ACOXL: variants seen among roughly 807,000 people sequenced by gnomAD.
The protein encoded by ACOXL is acyl-coenzyme A oxidase-like protein.
ACOXL carries 70 observed loss-of-function variants against 71.9 expected under a neutral mutation model. The ratio of observed to expected loss-of-function variants is 0.97; its 90% confidence interval spans 0.80 to 1.19. The LOEUF (loss-of-function observed/expected upper bound fraction) is 1.19. ACOXL is among the 50% of genes most tolerant of loss of function. The probability of loss-of-function intolerance (pLI) is 0.00; values close to 1 mark genes in which losing one functional copy is unlikely to be tolerated. For synonymous variants in ACOXL, 253 were observed against 281.6 expected (o/e 0.90, Z 1.02); for missense variants, 703 against 736.3 (o/e 0.95, Z 0.52).
intron 2 of ACOXL, among the ~76,000 whole-genome samples, chr2:110,772,272 A>G (rs1233706365): frequency 6.6e-6 from 1 of 152,160 alleles, no homozygotes; most frequent in Non-Finnish European, 1.5e-5. Flanking sequence ...TGTCTGCACA[A>G]TAGAAGCAGC....
At chr2:110,916,929 CA>C (rs2059883157) in intron 11 of ACOXL, among the ~76,000 whole-genome samples, 2 of 151,924 alleles carry the variant, frequency 1.3e-5, no homozygotes, top group South Asian at 2.1e-4. Flanking sequence ...GCCTAGCAAC[CA>C]AAAAAACCCA....
chr2:111,114,138 C>G (rs1376784071), intron 17 of ACOXL: 4 of 152,632 alleles, frequency 2.6e-5, no homozygotes, highest in Admixed American at 2.0e-4. Context: ...GCTAGTCTTA[C>G]CTGGGATCAC....
chr2:110,922,827 G>T (rs774401841), intron 11 of ACOXL, among the ~76,000 whole-genome samples: 8 of 152,162 alleles, frequency 5.3e-5, no homozygotes, highest in Non-Finnish European at 8.8e-5. Flanking sequence ...GAACCCCAGA[G>T]CCCTTACCAT....
intron 3 of ACOXL, among the ~76,000 whole-genome samples, 197 bp downstream of exon 3, chr2:110,785,012 C>T (rs1446459797): frequency 6.6e-6 from 1 of 152,156 alleles, no homozygotes; most frequent in Admixed American, 6.5e-5. Context: ...ATTTGCTTTT[C>T]TTCTTTGTAT....
chr2:110,801,343 C>G (rs1267458341), intron 7 of ACOXL, among the ~76,000 whole-genome samples: 2 of 152,214 alleles, frequency 1.3e-5, no homozygotes. Context: ...CTTTCTTAAT[C>G]ACAGTCACTG....
At position 111,065,112 on chromosome 2, in the gene ACOXL, A is replaced by G. The variant is rs539923404; in HGVS notation, c.1440+15824A>G. Among the ~76,000 whole-genome samples the G allele has an allele frequency of 1.2e-4, 18 of 152,328 alleles. No individual in the cohort carries two copies. The South Asian group carries it at 3.7e-3, about 32-fold the overall frequency. On this transcript the variant is annotated intron_variant, in intron 16 of 17. Coordinates refer to ENST00000439055, the MANE Select transcript of ACOXL (RefSeq NM_001142807.4). ...CTATCCAATTTTAAGACATATAACT[A>G]TAGTAATGAAGACTGTATGGTATTG...
At chr2:110,870,820 C>T (rs1695183829) in intron 10 of ACOXL, among the ~76,000 whole-genome samples, 1 of 152,134 alleles carries the variant, frequency 6.6e-6, no homozygotes, top group Non-Finnish European at 1.5e-5. Context: ...CCTTGGCTCC[C>T]TGGAAATGGT....
At chr2:111,100,176 A>G (rs1235532604) in intron 17 of ACOXL, 1 of 152,636 alleles carries the variant, frequency 6.6e-6, no homozygotes, top group Non-Finnish European at 1.5e-5. Context: ...CTGTGTTGAG[A>G]GAACCACAGC....
At chr2:110,829,515 G>C (rs753860363) in intron 9 of ACOXL, among the ~76,000 whole-genome samples, 8 of 152,186 alleles carry the variant, frequency 5.3e-5, no homozygotes, top group Non-Finnish European at 8.8e-5. Context: ...CCAATGTAGT[G>C]CCAGGTAGCA....
chr2:110,921,244 C>A (rs2060056206), intron 11 of ACOXL, among the ~76,000 whole-genome samples: 1 of 151,612 alleles, frequency 6.6e-6, no homozygotes, highest in Non-Finnish European at 1.5e-5. Context: ...AATTTTGTTG[C>A]TTTTTCCATA....
At chr2:110,794,225 A>G (rs775854514) in intron 5 of ACOXL, 51 bp downstream of exon 5, 31 of 1,542,058 alleles carry the variant, frequency 2.0e-5, no homozygotes, top group Middle Eastern at 1.7e-4. Flanking sequence ...AAACCTGGAC[A>G]GAAACAGATC....
intron 10 of ACOXL, among the ~76,000 whole-genome samples, chr2:110,890,593 G>T (rs935959689): frequency 6.6e-6 from 1 of 152,036 alleles, no homozygotes; most frequent in Non-Finnish European, 1.5e-5. Flanking sequence ...GTTTATCTTG[G>T]CACTCTTGAG....
At chr2:110,937,066 C>T (rs1295815193) in intron 12 of ACOXL, among the ~76,000 whole-genome samples, 3 of 152,182 alleles carry the variant, frequency 2.0e-5, no homozygotes, top group East Asian at 1.9e-4. Context: ...AGGCTGGTCT[C>T]GAACTATTTT....
intron 17 of ACOXL, among the ~76,000 whole-genome samples, chr2:111,096,362 C>T (rs1174871146): frequency 6.6e-6 from 1 of 151,960 alleles, no homozygotes; most frequent in South Asian, 2.1e-4. Context: ...CCTGCCTCAG[C>T]CTCCCAAGTA....
intron 9 of ACOXL, among the ~76,000 whole-genome samples, chr2:110,823,468 G>A (rs1688845759): frequency 6.6e-6 from 1 of 152,052 alleles, no homozygotes; most frequent in Admixed American, 6.6e-5. Context: ...AAAATCATTT[G>A]GGTAAATACC....
At chr2:110,845,064 C>T (rs1553561767) in intron 10 of ACOXL, among the ~76,000 whole-genome samples, 1 of 152,168 alleles carries the variant, frequency 6.6e-6, no homozygotes, top group Non-Finnish European at 1.5e-5. Context: ...TTGTTTTAGT[C>T]TGTTTGTGCT....
At chr2:111,024,240 G>C (rs2064912762) in intron 14 of ACOXL, among the ~76,000 whole-genome samples, 1 of 152,162 alleles carries the variant, frequency 6.6e-6, no homozygotes, top group South Asian at 2.1e-4. Context: ...AAAAAGATAT[G>C]TTCAAGTCCT....
chr2:110,980,460 G>T (rs546309275), intron 12 of ACOXL, among the ~76,000 whole-genome samples: 1 of 152,324 alleles, frequency 6.6e-6, no homozygotes, highest in East Asian at 1.9e-4. Context: ...CAAGAAGGGA[G>T]AAAGGGACTG....
intron 10 of ACOXL, among the ~76,000 whole-genome samples, chr2:110,904,975 G>A (rs184857257): frequency 2.2e-4 from 33 of 152,170 alleles, no homozygotes; most frequent in Middle Eastern, 6.8e-3. Context: ...AAAGGGAGTC[G>A]TTTGCTGTCT....
Sources: allele counts gnomAD v4.1 joint callset (sites outside exome capture counted in the v4.1 genomes callset), GRCh38; gene constraint gnomAD v4.1.1; transcripts MANE v1.5; gene names NCBI Gene and HGNC (gene_info 2026-07-23, HGNC 2026-07-21).